GPC6: variants seen among roughly 807,000 people sequenced by gnomAD.
The protein encoded by GPC6 is glypican-6.
In GPC6, 14 loss-of-function variants were observed where a neutral mutation model predicts 55.2. That is an observed-to-expected ratio of 0.25 (90% confidence interval 0.17 to 0.40). GPC6 has a LOEUF of 0.40. GPC6 is among the 10% of genes least tolerant of loss of function. GPC6 has a pLI of 1.00. For synonymous variants in GPC6, 278 were observed against 259.6 expected, an observed-to-expected ratio of 1.07 and a Z score of -0.68; for missense variants, 641 against 708.5, an observed-to-expected ratio of 0.90 and a Z score of 1.08.
chr13:93,227,528 T>G lies in GPC6; in HGVS notation c.72T>G (p.Asp24Glu). Residue 24 changes from aspartate to glutamate, a missense_variant, in exon 1 of 9, where the codon GAT becomes GAG. By Grantham distance (45) the Asp-to-Glu change is conservative. Coordinates refer to ENST00000377047, the MANE Select transcript of GPC6 (RefSeq NM_005708.5). The surrounding 1 kb of genome is among the most constrained non-coding windows in gnomAD (Gnocchi z 4.3). ...TGCTCTCCCTCCCCGCCGGGGCGGA[T>G]GTGAAGGCTCGGAGCTGCGGAGAGG... ...GLLLSLPAGA[D>E]VKARSCGEVR... The G allele has an allele frequency of 6.2e-7, 1 of 1,613,666 alleles. No individual in the cohort carries two copies. The highest frequency in any genetic ancestry group is 8.5e-7 in the Non-Finnish European group (1 of 1,179,696).
At chr13:94,336,030 T>TATG (rs1254346628) in intron 6 of GPC6, among the ~76,000 whole-genome samples, 1 of 152,116 alleles carries the variant, frequency 6.6e-6, no homozygotes, top group Non-Finnish European at 1.5e-5. Context: ...GACATTTTCT[T>TATG]ATGTAGATTG....
chr13:94,324,311 TAA>T (rs76342753), intron 6 of GPC6, among the ~76,000 whole-genome samples: 24 of 107,224 alleles, frequency 2.2e-4, no homozygotes, highest in East Asian at 1.5e-3. Context: ...ATGAAAGCCT[TAA>T]AAAAAAAAAA....
At chr13:94,317,746 G>A (rs116964227) in intron 6 of GPC6, among the ~76,000 whole-genome samples, 1,988 of 152,240 alleles carry the variant, frequency 0.013, 25 homozygotes, top group Non-Finnish European at 0.02. Context: ...CATGATTTTG[G>A]AGAATGAGAA....
intron 4 of GPC6, among the ~76,000 whole-genome samples, chr13:94,269,276 C>T (rs1470756981): frequency 6.6e-6 from 1 of 152,096 alleles, no homozygotes; most frequent in Non-Finnish European, 1.5e-5. Context: ...TAATCATTAA[C>T]ACAATGTCAC....
chr13:94,258,508 A>G (rs1456470632), intron 4 of GPC6, among the ~76,000 whole-genome samples: 3 of 152,206 alleles, frequency 2.0e-5, no homozygotes, highest in Non-Finnish European at 4.4e-5. Context: ...AAATTTAAAT[A>G]TGATGTTGCT....
At chr13:94,274,615 T>G (rs886640235) in intron 4 of GPC6, among the ~76,000 whole-genome samples, 10 of 152,206 alleles carry the variant, frequency 6.6e-5, no homozygotes, top group Admixed American at 6.5e-4. Flanking sequence ...TGATGTTTAC[T>G]GAATGTGGAC....
chr13:93,562,377 A>C (rs1875859185), intron 2 of GPC6, among the ~76,000 whole-genome samples: 1 of 152,174 alleles, frequency 6.6e-6, no homozygotes, highest in African/African-American at 2.4e-5. Flanking sequence ...ATTTCAATAC[A>C]CATTTGCCTT....
rs1459218652 is a variant in GPC6 at position 94,382,541 on chromosome 13, G to A, written c.1280G>A (p.Ser427Asn). The change falls in exon 7 of 9, where the codon AGC (serine) becomes AAC (asparagine). Residue 427 changes from serine (S) to asparagine (N), a missense_variant. By Grantham distance (46) the Ser-to-Asn change is conservative. Coordinates refer to ENST00000377047, the MANE Select transcript of GPC6 (RefSeq NM_005708.5). The part of the protein sequence containing the change: ...SNEEECWNGH[S>N]KARYLPEIMN... The stretch of plus-strand genomic sequence containing the variant: ...GAGGAGGAATGCTGGAACGGGCACA[G>A]CAAAGCCAGGTGAGGGTGACTCGAT... 1 of 1,614,084 alleles carries A rather than the reference G, an allele frequency of 6.2e-7. No individual in the cohort carries two copies. Among genetic ancestry groups the A allele is most frequent in the Admixed American group, 1.7e-5 (1 of 60,030 alleles).
At chr13:93,510,995 A>ATGTG (rs1279489832) in intron 1 of GPC6, among the ~76,000 whole-genome samples, 109 of 91,358 alleles carry the variant, frequency 1.2e-3, no homozygotes, top group African/African-American at 2.8e-3. Context: ...GTGTATATAT[A>ATGTG]TATATATATA....
intron 2 of GPC6, among the ~76,000 whole-genome samples, chr13:93,772,480 A>T (rs538612018): frequency 1.3e-5 from 2 of 152,064 alleles, no homozygotes; most frequent in Non-Finnish European, 2.9e-5. Context: ...CAGTGGGACA[A>T]TCTAACTTTG....
At chr13:93,957,342 CAAAT>C (rs1249538801) in intron 3 of GPC6, among the ~76,000 whole-genome samples, 1 of 152,056 alleles carries the variant, frequency 6.6e-6, no homozygotes, top group Non-Finnish European at 1.5e-5. Context: ...AGCGTAGTAT[CAAAT>C]AAGTAGTTTT....
At chr13:94,075,785 T>C (rs1884890936) in intron 4 of GPC6, among the ~76,000 whole-genome samples, 1 of 152,172 alleles carries the variant, frequency 6.6e-6, no homozygotes, top group African/African-American at 2.4e-5. Context: ...GGTTTATTTT[T>C]ATGACAGGAT....
At chr13:93,874,734 T>C (rs1378649642) in intron 3 of GPC6, among the ~76,000 whole-genome samples, 1 of 151,672 alleles carries the variant, frequency 6.6e-6, no homozygotes, top group Non-Finnish European at 1.5e-5. Flanking sequence ...CTTGTCCTTG[T>C]TGTTATTCCC....
At chr13:93,563,759 G>GA (rs532310587) in intron 2 of GPC6, among the ~76,000 whole-genome samples, 139 of 105,476 alleles carry the variant, frequency 1.3e-3, no homozygotes, top group Middle Eastern at 5.0e-3. Flanking sequence ...GAGAATGAAA[G>GA]AAAAAAAAAA....
At chr13:93,506,609 CT>C (rs1162889718) in intron 1 of GPC6, among the ~76,000 whole-genome samples, 1 of 152,076 alleles carries the variant, frequency 6.6e-6, no homozygotes, top group African/African-American at 2.4e-5. Context: ...AAATGGTACC[CT>C]AGAGGTCTTA....
intron 1 of GPC6, among the ~76,000 whole-genome samples, chr13:93,359,352 T>C (rs1343335845): frequency 6.6e-6 from 1 of 152,194 alleles, no homozygotes; most frequent in Non-Finnish European, 1.5e-5. Context: ...TTCTACTAGC[T>C]CTGTTACCTC....
At chr13:93,780,017 AC>A (rs1885587814) in intron 2 of GPC6, among the ~76,000 whole-genome samples, 1 of 152,134 alleles carries the variant, frequency 6.6e-6, no homozygotes. Flanking sequence ...CAAATAGAGA[AC>A]CAGACCCAAT....
chr13:93,293,836 T>C (rs1878394008), intron 1 of GPC6, among the ~76,000 whole-genome samples: 1 of 151,300 alleles, frequency 6.6e-6, no homozygotes. Flanking sequence ...ATTTTCAGCT[T>C]CATTTCCTTC....
chr13:93,652,638 AG>A, intron 2 of GPC6, among the ~76,000 whole-genome samples: 1 of 152,314 alleles, frequency 6.6e-6, no homozygotes, highest in African/African-American at 2.4e-5. Flanking sequence ...TTTCTATAGG[AG>A]AAACTGGGTT....
Sources: allele counts gnomAD v4.1 joint callset (sites outside exome capture counted in the v4.1 genomes callset), GRCh38; gene constraint gnomAD v4.1.1; non-coding constraint Gnocchi (gnomAD v3.1); transcripts MANE v1.5; gene names NCBI Gene and HGNC (gene_info 2026-07-23, HGNC 2026-07-21).